The following PCDH11Y variants were observed in gnomAD, a reference collection of about 807,000 sequenced individuals.
PCDH11Y encodes protocadherin-11 Y-linked.
For synonymous variants in PCDH11Y, 9 were observed against 83.6 expected (o/e 0.11, Z 4.87); for missense variants, 12 against 224.8 (o/e 0.05, Z 6.05).
At chrY:5,372,084 G>A in intron 2 of PCDH11Y, among the ~76,000 whole-genome samples, 1 of 33,112 alleles carries the variant, frequency 3.0e-5, no homozygotes, top group African/African-American at 1.2e-4. Flanking sequence ...TCTTCAAACC[G>A]TTAGCAGAAA....
At chrY:5,598,139 T>C in intron 4 of PCDH11Y, among the ~76,000 whole-genome samples, 1 of 32,254 alleles carries the variant, frequency 3.1e-5, no homozygotes, top group Non-Finnish European at 7.6e-5. Context: ...TACATATTTG[T>C]TTGTATTTAC....
At chrY:5,108,514 A>G (rs1602868867), downstream of PCDH11Y, among the ~76,000 whole-genome samples, 157 of 31,599 alleles carry the variant, frequency 5.0e-3, no homozygotes, top group Admixed American at 0.024. Context: ...TTGGGAGGCC[A>G]AGGCGGGAGG....
At chrY:5,605,294 T>C in intron 4 of PCDH11Y, among the ~76,000 whole-genome samples, 1 of 33,733 alleles carries the variant, frequency 3.0e-5, no homozygotes, top group Non-Finnish European at 7.4e-5. Context: ...TAAGAACTAC[T>C]GTGAGCTATG....
chrY:5,270,086 T>G (rs2053033061), intron 2 of PCDH11Y, among the ~76,000 whole-genome samples: 1 of 30,669 alleles, frequency 3.3e-5, no homozygotes, highest in South Asian at 7.6e-4. Context: ...AATCAAATAG[T>G]TCAGTTTCAT....
chrY:5,484,927 G>A (rs2053330182), intron 2 of PCDH11Y, among the ~76,000 whole-genome samples: 1 of 33,248 alleles, frequency 3.0e-5, no homozygotes, highest in African/African-American at 1.2e-4. Context: ...TTCTGTCCTC[G>A]AAGACAAGTT....
chrY:5,388,019 C>G (rs2053217922), intron 2 of PCDH11Y, among the ~76,000 whole-genome samples: 1 of 31,087 alleles, frequency 3.2e-5, no homozygotes, highest in South Asian at 7.8e-4. Context: ...TCCCACCGTG[C>G]CCCCCACCAA....
chrY:5,428,847 C>T (rs2053265886), intron 2 of PCDH11Y, among the ~76,000 whole-genome samples: 1 of 32,689 alleles, frequency 3.1e-5, no homozygotes, highest in Non-Finnish European at 7.5e-5. Flanking sequence ...TATGGAACCA[C>T]AGTCATATAT....
chrY:5,135,441 G>A (rs2052837958), intron 2 of PCDH11Y, among the ~76,000 whole-genome samples: 2 of 33,471 alleles, frequency 6.0e-5, no homozygotes, highest in African/African-American at 2.3e-4. Flanking sequence ...CAGAGCAGGG[G>A]CACTGCATGA....
intron 3 of PCDH11Y, among the ~76,000 whole-genome samples, chrY:5,043,397 A>G (rs2052619697): frequency 3.0e-5 from 1 of 33,337 alleles, no homozygotes; most frequent in African/African-American, 1.2e-4. Context: ...GGATCTGTTT[A>G]TATGCTGGAT....
At chrY:5,363,660 A>G in intron 2 of PCDH11Y, among the ~76,000 whole-genome samples, 1 of 30,431 alleles carries the variant, frequency 3.3e-5, no homozygotes. Flanking sequence ...GCATTTACAT[A>G]TAGATTATTT....
chrY:5,523,239 AT>A (rs2053383224), intron 3 of PCDH11Y, among the ~76,000 whole-genome samples: 1 of 33,415 alleles, frequency 3.0e-5, no homozygotes, highest in Non-Finnish European at 7.4e-5. Flanking sequence ...TTATAAGCCT[AT>A]TTTTTTAGCA....
intron 3 of PCDH11Y, among the ~76,000 whole-genome samples, chrY:5,505,868 A>AT (rs2053358591): frequency 3.1e-5 from 1 of 31,991 alleles, no homozygotes; most frequent in Non-Finnish European, 7.8e-5. Flanking sequence ...GAAATGCCAG[A>AT]TTTTCTCCTG....
At chrY:5,535,840 A>G in intron 3 of PCDH11Y, among the ~76,000 whole-genome samples, 1 of 33,127 alleles carries the variant, frequency 3.0e-5, no homozygotes, top group Admixed American at 2.7e-4. Context: ...ACTAGTTTAC[A>G]CTCCCACCAA....
At chrY:5,238,632 A>G in intron 2 of PCDH11Y, among the ~76,000 whole-genome samples, 3 of 33,307 alleles carry the variant, frequency 9.0e-5, no homozygotes, top group Non-Finnish European at 2.2e-4. Flanking sequence ...CAGAGTGAAC[A>G]GGCAGCCTAC....
rs2124684795 is a variant in PCDH11Y, at chrY:5,472,031, T to C, written c.3130-29026T>C. Among the ~76,000 whole-genome samples the C allele has an allele frequency of 1.6e-4, 5 of 32,029 alleles. No homozygotes were observed. In the South Asian group the frequency reaches 3.4e-3, roughly 22 times the overall value. The allele number at this position is 32,029 out of a possible 37,273, so 85.9% of individuals were successfully genotyped here. ...GCATAACTCAAATGATCAATTATAA[T>C]ATGTGGGGATTCTTTAAAACATTGC... is the stretch of plus-strand genomic sequence containing the variant. On this transcript the variant is annotated intron_variant, in intron 2 of 4. Transcript: ENST00000400457.
chrY:5,696,494 T>A, intron 4 of PCDH11Y, among the ~76,000 whole-genome samples: 1 of 32,991 alleles, frequency 3.0e-5, no homozygotes, highest in Non-Finnish European at 7.5e-5. Flanking sequence ...TTCATTTGAA[T>A]ATTCTATTTT....
chrY:5,385,413 T>C, intron 2 of PCDH11Y, among the ~76,000 whole-genome samples: 3 of 30,976 alleles, frequency 9.7e-5, no homozygotes, highest in Admixed American at 3.1e-4. Context: ...TTTCCATTCC[T>C]GAGTTACTTC....
At chrY:5,258,841 T>G in intron 2 of PCDH11Y, among the ~76,000 whole-genome samples, 1 of 33,372 alleles carries the variant, frequency 3.0e-5, no homozygotes, top group Non-Finnish European at 7.4e-5. Flanking sequence ...GCAGATTAAG[T>G]CAGATGTTTA....
intron 1 of PCDH11Y, among the ~76,000 whole-genome samples, chrY:5,028,968 C>T: frequency 3.1e-5 from 1 of 32,454 alleles, no homozygotes; most frequent in Non-Finnish European, 7.5e-5. Flanking sequence ...CACCAACATT[C>T]TATTGGGTGG....
Sources: gnomAD v4.1 joint callset for allele counts (sites outside exome capture counted in the v4.1 genomes callset) on GRCh38, gnomAD v4.1.1 for gene constraint, MANE v1.5 for transcripts, NCBI Gene and HGNC (gene_info 2026-07-23, HGNC 2026-07-21) for gene names.